HTR2C: variants seen among roughly 807,000 people sequenced by gnomAD.
The protein encoded by HTR2C is 5-hydroxytryptamine receptor 2C.
Under a neutral mutation model 21.0 loss-of-function variants are expected in HTR2C, and 5 were observed. That is an observed-to-expected ratio of 0.24 (90% confidence interval 0.12 to 0.50). The LOEUF is 0.50. Among genes scored for constraint, HTR2C ranks in the 20% least tolerant of loss-of-function variants. The pLI, the probability that HTR2C is intolerant of heterozygous loss-of-function variation, is 0.98. For synonymous variants in HTR2C, 150 were observed against 145.3 expected (o/e 1.03, Z -0.23); for missense variants, 271 against 371.2 (o/e 0.73, Z 2.22).
intron 4 of HTR2C, among the ~76,000 whole-genome samples, chrX:114,789,759 A>C (rs1397448461): frequency 9.0e-6 from 1 of 111,304 alleles, no homozygotes; most frequent in Non-Finnish European, 1.9e-5. Context: ...ATGATTCCTC[A>C]TCTTTAAAAT....
rs782529821 is a variant in HTR2C, at chrX:114,887,970, C to T, written c.551-18619C>T. Reference sequence around the variant, plus strand: ...CAGAGGTTGCAGTGAGCCAAGGTCACACCACTGCACTCCAGCCTGGGCGAC... The same window carrying T: ...CAGAGGTTGCAGTGAGCCAAGGTCATACCACTGCACTCCAGCCTGGGCGAC... On this transcript the variant is annotated intron_variant, in intron 5 of 5. Transcript: ENST00000276198. 4.5e-5 allele frequency among the ~76,000 whole-genome samples: 5 copies of T among 110,737 alleles called. No homozygotes were observed. The South Asian group carries it at 1.9e-3, about 43-fold the overall frequency.
At chrX:114,790,055 A>AT (rs2070216750) in intron 4 of HTR2C, among the ~76,000 whole-genome samples, 1 of 112,166 alleles carries the variant, frequency 8.9e-6, no homozygotes, top group Non-Finnish European at 1.9e-5. Flanking sequence ...TTTTGGTTAC[A>AT]TTTTGCATAA....
intron 2 of HTR2C, among the ~76,000 whole-genome samples, chrX:114,682,882 A>G (rs1556413693): frequency 8.9e-6 from 1 of 111,788 alleles, no homozygotes; most frequent in African/African-American, 3.2e-5. Flanking sequence ...AAAAGGAGCA[A>G]TTTGCCTTTG....
intron 2 of HTR2C, among the ~76,000 whole-genome samples, chrX:114,653,757 G>C (rs1483062062): frequency 9.0e-6 from 1 of 110,603 alleles, no homozygotes; most frequent in Admixed American, 9.8e-5. Context: ...GGTTGAATTG[G>C]AATCCATATA....
intron 4 of HTR2C, among the ~76,000 whole-genome samples, chrX:114,845,485 A>G (rs1220602361): frequency 9.0e-6 from 1 of 111,008 alleles, no homozygotes; most frequent in Non-Finnish European, 1.9e-5. Context: ...GTTTAACCCA[A>G]ACTCACAAAA....
chrX:114,659,262 T>C (rs1263855807), intron 2 of HTR2C, among the ~76,000 whole-genome samples: 1 of 111,295 alleles, frequency 9.0e-6, no homozygotes, highest in Non-Finnish European at 1.9e-5. Flanking sequence ...CAATTCAAGA[T>C]GAGATTTGGG....
At chrX:114,756,638 A>C (rs1556430357) in intron 4 of HTR2C, among the ~76,000 whole-genome samples, 1 of 112,342 alleles carries the variant, frequency 8.9e-6, no homozygotes, top group African/African-American at 3.2e-5. Context: ...AAATTATAGA[A>C]ATAGAGACCA....
intron 4 of HTR2C, among the ~76,000 whole-genome samples, chrX:114,779,258 T>C (rs1282591171): frequency 2.7e-5 from 3 of 111,590 alleles, no homozygotes; most frequent in Non-Finnish European, 3.8e-5. Context: ...CTTTTGAATA[T>C]ATCTCTGAAC....
chrX:114,687,815 T>C (rs1349440480), intron 2 of HTR2C, among the ~76,000 whole-genome samples: 1 of 111,769 alleles, frequency 8.9e-6, no homozygotes, highest in Non-Finnish European at 1.9e-5. Flanking sequence ...AGCTCCATTC[T>C]TGGGCAACTT....
chrX:114,588,679 G>C (rs1927506777), intron 1 of HTR2C, among the ~76,000 whole-genome samples: 1 of 112,003 alleles, frequency 8.9e-6, no homozygotes, highest in Non-Finnish European at 1.9e-5. Context: ...ATAAATGTCA[G>C]TGTTCAAATC....
At position 114,908,799 on chromosome X, in the gene HTR2C, A is replaced by G. The variant is rs200743427; in HGVS notation, c.*1384A>G. 3.5e-5 allele frequency: 4 copies of G among 112,922 alleles called. No individual in the cohort carries two copies. Among genetic ancestry groups the G allele is most frequent in the Non-Finnish European group, 7.5e-5 (4 of 53,347 alleles). The allele number at this position is 112,922 out of a possible 1,213,427, so 9.3% of individuals were successfully genotyped here. A position where few individuals can be genotyped will look rare whatever the true frequency, so the allele number is the denominator to read the frequency against. ...GTAGCATTTTAATAGTTTCTAAACC[A>G]TGAAAAGTTTTCAAGCATTGCTAAA... On this transcript the variant is annotated 3_prime_UTR_variant, in exon 6 of 6. Coordinates refer to ENST00000276198, the MANE Select transcript of HTR2C (RefSeq NM_000868.4).
At chrX:114,858,860 T>C (rs956726377) in intron 5 of HTR2C, among the ~76,000 whole-genome samples, 1 of 111,153 alleles carries the variant, frequency 9.0e-6, no homozygotes, top group African/African-American at 3.3e-5. Context: ...TTCTATATTT[T>C]CTGTGTCTTT....
At chrX:114,743,775 C>T (rs1556425680) in intron 4 of HTR2C, among the ~76,000 whole-genome samples, 1 of 111,561 alleles carries the variant, frequency 9.0e-6, no homozygotes, top group African/African-American at 3.3e-5. Flanking sequence ...TTCAGCAAAC[C>T]TCGAACAGGA....
chrX:114,812,775 A>G (rs1253548873), intron 4 of HTR2C, among the ~76,000 whole-genome samples: 1 of 110,403 alleles, frequency 9.1e-6, no homozygotes, highest in Non-Finnish European at 1.9e-5. Context: ...CAAAAAAACA[A>G]GGCTATCTTG....
intron 2 of HTR2C, among the ~76,000 whole-genome samples, chrX:114,625,412 C>A (rs1401261153): frequency 3.6e-5 from 4 of 111,320 alleles, no homozygotes; most frequent in Non-Finnish European, 7.5e-5. Flanking sequence ...AATGAGTGAG[C>A]TCTTGCTCTG....
intron 2 of HTR2C, among the ~76,000 whole-genome samples, chrX:114,619,016 C>T (rs147747604): frequency 0.018 from 1,996 of 111,298 alleles, 52 homozygotes; most frequent in African/African-American, 0.062. Context: ...ATAAATTAAT[C>T]TCTATATATT....
At chrX:114,655,741 C>G (rs1556409173) in intron 2 of HTR2C, among the ~76,000 whole-genome samples, 1 of 110,845 alleles carries the variant, frequency 9.0e-6, no homozygotes, top group East Asian at 2.8e-4. Flanking sequence ...ATTCCATTGG[C>G]TTGATTGGAT....
chrX:114,590,020 G>C (rs782333116), intron 1 of HTR2C: 1 of 147,677 alleles, frequency 6.8e-6, no homozygotes, highest in East Asian at 2.4e-4. Context: ...AAGGTTTCAA[G>C]TCTTGTCTGA....
intron 1 of HTR2C, among the ~76,000 whole-genome samples, chrX:114,601,687 G>T (rs1202770910): frequency 6.4e-5 from 7 of 109,062 alleles, no homozygotes; most frequent in African/African-American, 1.7e-4. Flanking sequence ...AGTCACAGGG[G>T]ATGCGATGGC....
Sources: gnomAD v4.1 joint callset for allele counts (sites outside exome capture counted in the v4.1 genomes callset) on GRCh38, gnomAD v4.1.1 for gene constraint, MANE v1.5 for transcripts, NCBI Gene and HGNC (gene_info 2026-07-23, HGNC 2026-07-21) for gene names.